The following SLC6A12 variants were observed in gnomAD, a reference collection of about 807,000 sequenced individuals.
The protein encoded by SLC6A12 is sodium- and chloride-dependent betaine transporter.
Under a neutral mutation model 73.3 loss-of-function variants are expected in SLC6A12, and 50 were observed. The ratio of observed to expected loss-of-function variants is 0.68; its 90% CI spans 0.54 to 0.86. The LOEUF is 0.86. Ranked by LOEUF, SLC6A12 falls within the 40% of genes least tolerant of loss-of-function variation. SLC6A12 has a pLI of 0.00. For synonymous variants in SLC6A12, 304 were observed against 309.2 expected, an observed-to-expected ratio of 0.98 and a Z score of 0.18; for missense variants, 648 against 772.8, an observed-to-expected ratio of 0.84 and a Z score of 1.92.
At chr12:201,405 T>C (rs216247) in intron 6 of SLC6A12, 127,292 of 240,754 alleles carry the variant, frequency 0.53, 35,840 homozygotes, top group African/African-American at 0.75. Flanking sequence ...TTCAAGCTAC[T>C]GGCATGACAC....
chr12:188,557 GCAGC>G (rs1176904301), downstream of SLC6A12, among the ~76,000 whole-genome samples: 6 of 152,224 alleles, frequency 3.9e-5, no homozygotes, highest in African/African-American at 7.2e-5. Context: ...CTCCTCAAGC[GCAGC>G]CAGAGTGGGC....
intron 13 of SLC6A12, 89 bp from the exon 14 acceptor site, chr12:193,466 C>T: frequency 1.1e-6 from 1 of 937,162 alleles, no homozygotes; most frequent in Non-Finnish European, 1.7e-6. Flanking sequence ...GCTCTGTGCC[C>T]TTCCCTCACC....
At position 204,601 on chromosome 12, in the gene SLC6A12, A is replaced by G. The variant is rs751404676; in HGVS notation, c.312T>C (p.Ser104=). The G allele has an allele frequency of 1.9e-6, 3 of 1,614,034 alleles. No individual in the cohort carries two copies. The highest frequency in any genetic ancestry group is 2.5e-6 in the Non-Finnish European group (3 of 1,179,994). ...GGCAGATCTTCCTCCAGGCTGTGAC[A>G]CTCCCTTGGCTGGTGTATTGGCCCA... ...VALGQYTSQG[S]VTAWRKICPL... is the part of the protein sequence containing the mutation. Residue 104 remains serine (S), a synonymous_variant, in exon 4 of 16, where the codon AGT becomes AGC. Transcript: ENST00000684302.
chr12:193,375 C>A lies in SLC6A12; in HGVS notation c.1432G>T (p.Ala478Ser), dbSNP rs1939705650. The change falls in exon 14 of 16, where the codon GCG (alanine) becomes TCG (serine). Residue 478 changes from alanine (A) to serine (S), a missense_variant and splice_region_variant. By Grantham distance (99) the Ala-to-Ser change is moderately conservative. Coordinates refer to ENST00000684302, the MANE Select transcript of SLC6A12 (RefSeq NM_001122848.3). Reference protein sequence around the residue: ...EVVCISWVYGADRFYDNIEDM... With the variant: ...EVVCISWVYGSDRFYDNIEDM... ...TCAATGTTGTCATAGAAACGGTCCG[C>A]CCCTGAGCAGGCATGGCGTGGGAGA... The A allele has an allele frequency of 6.2e-7, 1 of 1,612,984 alleles. No individual in the cohort carries two copies. Among genetic ancestry groups the A allele is most frequent in the African/African-American group, 1.3e-5 (1 of 74,908 alleles).
chr12:212,294 C>T (rs981152878), intron 1 of SLC6A12, among the ~76,000 whole-genome samples, 184 bp from the exon 2 acceptor site: 3 of 152,226 alleles, frequency 2.0e-5, no homozygotes, highest in Non-Finnish European at 4.4e-5. Context: ...TTACTGTTTC[C>T]AGACCACAGG....
At chr12:186,918 A>G (rs7967321), downstream of SLC6A12, among the ~76,000 whole-genome samples, 11,091 of 152,244 alleles carry the variant, frequency 0.073, 482 homozygotes, top group East Asian at 0.12. Context: ...CTGAGGCACC[A>G]GGACCCCCAA....
chr12:193,322 G>A lies in SLC6A12; in HGVS notation c.1485C>T (p.Pro495=), dbSNP rs1939701527. The part of the protein sequence containing the change: ...IEDMIGYRPW[P]LVKISWLFLT... ...GGAAGAGCCAGGAGATCTTCACCAG[G>A]GGCCATGGCCGGTAGCCAATCATGT... The change falls in exon 14 of 16, where the codon CCC becomes CCT. Residue 495 remains proline, a synonymous_variant. Coordinates refer to ENST00000684302, the MANE Select transcript of SLC6A12 (RefSeq NM_001122848.3). The A allele has an allele frequency of 6.2e-7, 1 of 1,613,992 alleles. No homozygotes were observed. The highest frequency in any genetic ancestry group is 8.5e-7 in the Non-Finnish European group (1 of 1,179,986).
downstream of SLC6A12, among the ~76,000 whole-genome samples, chr12:188,264 C>T (rs1310583395): frequency 9.2e-5 from 14 of 152,306 alleles, 1 homozygote; most frequent in South Asian, 1.9e-3. Context: ...CCCTGCCCCA[C>T]GGGAAGGCAG....
downstream of SLC6A12, among the ~76,000 whole-genome samples, chr12:186,934 G>A (rs926287978): frequency 8.5e-5 from 13 of 152,242 alleles, no homozygotes; most frequent in East Asian, 7.7e-4. Flanking sequence ...CCCAACCACT[G>A]CCCTCTGCTG....
chr12:192,416 C>T, intron 15 of SLC6A12, 62 bp downstream of exon 15: 2 of 1,484,836 alleles, frequency 1.3e-6, no homozygotes, highest in East Asian at 4.5e-5. Context: ...GTGTGTCCTG[C>T]CCCAAGTCCA....
chr12:197,593 G>A, intron 9 of SLC6A12, 92 bp from the exon 10 acceptor site: 2 of 1,352,100 alleles, frequency 1.5e-6, no homozygotes, highest in Middle Eastern at 2.0e-4. Flanking sequence ...AAAAGACAGT[G>A]AGAGGGGACC....
downstream of SLC6A12, among the ~76,000 whole-genome samples, chr12:188,556 C>A (rs1398588974): frequency 6.6e-6 from 1 of 152,214 alleles, no homozygotes; most frequent in East Asian, 1.9e-4. Flanking sequence ...GCTCCTCAAG[C>A]GCAGCCAGAG....
chr12:203,183 C>T, intron 4 of SLC6A12: 1 of 205,172 alleles, frequency 4.9e-6, no homozygotes, highest in Non-Finnish European at 9.6e-6. Context: ...CCTCCCACCT[C>T]AGCCTCCGGA....
At chr12:187,416 A>G (rs7967909), downstream of SLC6A12, among the ~76,000 whole-genome samples, 68,766 of 150,904 alleles carry the variant, frequency 0.46, 16,138 homozygotes, top group African/African-American at 0.56. Context: ...GACCTTCGCG[A>G]TGAGTGCTAC....
At chr12:186,808 G>A (rs1158789943), downstream of SLC6A12, among the ~76,000 whole-genome samples, 1 of 152,236 alleles carries the variant, frequency 6.6e-6, no homozygotes, top group Admixed American at 6.5e-5. Flanking sequence ...AGGTGGGAGA[G>A]AGACTTGACC....
chr12:197,090 C>CATCTATCCATCT (rs1565468864), intron 10 of SLC6A12, among the ~76,000 whole-genome samples: 2 of 17,866 alleles, frequency 1.1e-4, no homozygotes, highest in Admixed American at 5.9e-4. Flanking sequence ...TCCATCCATC[C>CATCTATCCATCT]ATCCATCCAT....
Position 191,210 on chromosome 12 carries a change from C to T in SLC6A12, c.1703G>A (p.Arg568His), listed in dbSNP as rs1271757007. 24 of 1,266,954 alleles carry T rather than the reference C, an allele frequency of 1.9e-5. No homozygotes were observed. The highest frequency in any genetic ancestry group is 1.5e-4 in the East Asian group (5 of 32,306). 78.5% of individuals were successfully genotyped at this position (1,266,954 alleles called of 1,614,324 possible). The change falls in exon 16 of 16, where the codon CGT becomes CAT. Residue 568 changes from arginine to histidine, a missense_variant and splice_region_variant. Arg to His is a conservative substitution (Grantham distance 29). Coordinates refer to ENST00000684302, the MANE Select transcript of SLC6A12 (RefSeq NM_001122848.3). ...GTCAGGGGTGATGAGCTGACGCAGA[C>T]GCTGTGGAGAGAAGAGGCAGGGATT... ...LLKTRGPFRK[R>H]LRQLITPDSS...
At position 196,813 on chromosome 12, in the gene SLC6A12, C is replaced by A. The variant is rs1392065070; in HGVS notation, c.1145G>T (p.Cys382Phe). Residue 382 changes from cysteine to phenylalanine, a missense_variant, in exon 11 of 16, where the codon TGC (cysteine) becomes TTC (phenylalanine). By Grantham distance (205) the Cys-to-Phe change is radical. Transcript: ENST00000684302. The stretch of plus-strand genomic sequence containing the variant: ...GAATATGAGCATGATAAAGAACAGG[C>A]AGGACCACAGCTGGGATAAGGGCAT... Reference protein sequence around the residue: ...TMMPLSQLWSCLFFIMLIFLG... With the variant: ...TMMPLSQLWSFLFFIMLIFLG... 1.2e-6 allele frequency: 2 copies of A among 1,613,762 alleles called. No individual in the cohort carries two copies. The highest frequency in any genetic ancestry group is 1.7e-6 in the Non-Finnish European group (2 of 1,179,876).
At chr12:208,587 T>C (rs895241361) in intron 3 of SLC6A12, among the ~76,000 whole-genome samples, 1 of 152,122 alleles carries the variant, frequency 6.6e-6, no homozygotes, top group African/African-American at 2.4e-5. Flanking sequence ...AAAATGAATC[T>C]AACCACTCAC....
Sources: gnomAD v4.1 joint callset for allele counts (sites outside exome capture counted in the v4.1 genomes callset) on GRCh38, gnomAD v4.1.1 for gene constraint, MANE v1.5 for transcripts, NCBI Gene and HGNC (gene_info 2026-07-23, HGNC 2026-07-21) for gene names.